TNS1: variants seen among roughly 807,000 people sequenced by gnomAD.
TNS1 encodes tensin-1.
Under a neutral mutation model 168.6 loss-of-function variants are expected in TNS1, and 62 were observed. The observed-to-expected ratio is 0.37, with a 90% CI of 0.30 to 0.45. The LOEUF is 0.45. Ranked by LOEUF, TNS1 falls within the 20% of genes least tolerant of loss-of-function variation. The pLI, the probability that TNS1 is intolerant of heterozygous loss-of-function variation, is 1.00. For synonymous variants in TNS1, 934 were observed against 933.2 expected, an observed-to-expected ratio of 1.00 and a Z score of -0.02; for missense variants, 2,240 against 2,339.4, an observed-to-expected ratio of 0.96 and a Z score of 0.88.
At chr2:217,962,896 C>T (rs918774656) in intron 3 of TNS1, among the ~76,000 whole-genome samples, 2 of 152,146 alleles carry the variant, frequency 1.3e-5, no homozygotes, top group African/African-American at 4.8e-5. Flanking sequence ...TGGCCAAATT[C>T]TACTACAATC....
intron 1 of TNS1, among the ~76,000 whole-genome samples, chr2:218,027,556 C>T (rs868361186): frequency 2.6e-4 from 39 of 152,138 alleles, no homozygotes; most frequent in African/African-American, 8.9e-4. Flanking sequence ...CTGTCCCAAG[C>T]AGAACAGGTC....
chr2:217,915,055 T>C (rs774861819), intron 4 of TNS1, among the ~76,000 whole-genome samples: 1 of 152,140 alleles, frequency 6.6e-6, no homozygotes, highest in African/African-American at 2.4e-5. Context: ...ATGCTCAGAG[T>C]TTGCCCCTCC....
chr2:217,848,829 C>G lies in TNS1; in HGVS notation c.1688G>C (p.Arg563Pro), dbSNP rs201977904. 6 of 1,614,062 alleles carry G rather than the reference C, an allele frequency of 3.7e-6. No homozygotes were observed. Among genetic ancestry groups the G allele is most frequent in the Non-Finnish European group, 5.1e-6 (6 of 1,180,018 alleles). Residue 563 changes from arginine to proline, a missense_variant, in exon 19 of 33, where the codon CGG (arginine) becomes CCG (proline). Arg to Pro is a moderately radical substitution (Grantham distance 103). This residue lies in a region of TNS1 where 2,131 missense variants were observed against 2,171.2 expected (regional missense o/e 0.98). Coordinates refer to ENST00000682258, the MANE Select transcript of TNS1 (RefSeq NM_001387777.1). ...GCCACTCAGCAGGCGGTCCAGCTCC[C>G]GCTTCTCCTGGGGACTCAAGGCAGC... is the stretch of plus-strand genomic sequence containing the variant. ...ATAALSPQEK[R>P]ELDRLLSGFG...
In TNS1 at chr2:217,830,496, C is replaced by A. The variant is rs560236119; in HGVS notation, c.3373+959G>T. Reference sequence around the variant, plus strand: ...AGTGGCCCCACATGGCCACCAAGGGCCCAGGGAGCCCTGTCTCCCTCCACC... The same window carrying A: ...AGTGGCCCCACATGGCCACCAAGGGACCAGGGAGCCCTGTCTCCCTCCACC... On this transcript the variant is annotated intron_variant, in intron 22 of 32. Transcript: ENST00000682258. 87 of 1,322,158 alleles carry A rather than the reference C, an allele frequency of 6.6e-5. 1 individual carries two copies. The African/African-American group carries it at 1.0e-3, about 15-fold the overall frequency. 81.9% of individuals were successfully genotyped at this position (1,322,158 alleles called of 1,614,324 possible). A position where few individuals can be genotyped will look rare whatever the true frequency, so the allele number is the denominator to read the frequency against.
intron 4 of TNS1, among the ~76,000 whole-genome samples, chr2:217,917,856 G>T (rs1175253567): frequency 8.5e-6 from 1 of 118,204 alleles, no homozygotes; most frequent in Admixed American, 8.6e-5. Flanking sequence ...AAAGACTTGC[G>T]ACTGGGGGAA....
chr2:217,980,802 G>C (rs1351069522), intron 2 of TNS1, among the ~76,000 whole-genome samples: 1 of 152,082 alleles, frequency 6.6e-6, no homozygotes, highest in Non-Finnish European at 1.5e-5. Flanking sequence ...TGCTCTGCCA[G>C]TTCCCAGAGT....
intron 1 of TNS1, among the ~76,000 whole-genome samples, chr2:218,024,858 G>A (rs974624956): frequency 1.3e-5 from 2 of 152,202 alleles, no homozygotes; most frequent in African/African-American, 4.8e-5. Flanking sequence ...ATCCTAAGCA[G>A]AAAGGAGAAA....
At chr2:218,015,333 AGAGAGAAGG>A (rs1444799275), upstream of TNS1, among the ~76,000 whole-genome samples, 1 of 152,098 alleles carries the variant, frequency 6.6e-6, no homozygotes, top group Non-Finnish European at 1.5e-5. Context: ...CCAGAAAAGC[AGAGAGAAGG>A]GAGAGGAGGG....
intron 19 of TNS1, among the ~76,000 whole-genome samples, chr2:217,846,926 AG>A (rs754527314): frequency 2.6e-5 from 4 of 152,234 alleles, no homozygotes; most frequent in Non-Finnish European, 5.9e-5. Context: ...CAGCAGATAG[AG>A]CCTAAGGGCT....
At chr2:217,904,991 C>T (rs185446586) in intron 6 of TNS1, among the ~76,000 whole-genome samples, 20 of 152,338 alleles carry the variant, frequency 1.3e-4, no homozygotes, top group African/African-American at 3.8e-4. Context: ...CATTCAGCAA[C>T]GCCAAGCCTC....
intron 2 of TNS1, among the ~76,000 whole-genome samples, chr2:217,982,280 C>G (rs1048869885): frequency 1.3e-5 from 2 of 152,162 alleles, no homozygotes; most frequent in African/African-American, 4.8e-5. Context: ...CCAGTGACAT[C>G]TTCACTGCAC....
intron 4 of TNS1, among the ~76,000 whole-genome samples, chr2:217,918,584 T>C (rs1335509003): frequency 1.3e-5 from 2 of 152,212 alleles, no homozygotes; most frequent in African/African-American, 4.8e-5. Flanking sequence ...CTGACCGCTC[T>C]TCATGTAAAC....
chr2:217,910,997 G>T (rs1171949513), intron 4 of TNS1, among the ~76,000 whole-genome samples: 1 of 152,096 alleles, frequency 6.6e-6, no homozygotes, highest in African/African-American at 2.4e-5. Flanking sequence ...CTGCTGGCAG[G>T]GTGAGCTGGT....
At position 217,932,711 on chromosome 2, in the gene TNS1, T is replaced by C. The variant is rs752336053; in HGVS notation, c.187-12475A>G. On this transcript the variant is annotated intron_variant, in intron 3 of 32. Coordinates refer to ENST00000682258, the MANE Select transcript of TNS1 (RefSeq NM_001387777.1). ...AGCTGATTTTTAAGATCCCATCTATTGTCAAAGTCAAAGAAAGCATGGGAC... is the reference window on the plus strand; with the variant it reads ...AGCTGATTTTTAAGATCCCATCTATCGTCAAAGTCAAAGAAAGCATGGGAC... 4.6e-5 allele frequency among the ~76,000 whole-genome samples: 7 copies of C among 152,284 alleles called. No homozygotes were observed. The South Asian group carries it at 8.3e-4, about 18-fold the overall frequency.
intron 3 of TNS1, among the ~76,000 whole-genome samples, chr2:217,937,452 T>G (rs1956677671): frequency 6.6e-6 from 1 of 151,946 alleles, no homozygotes; most frequent in Non-Finnish European, 1.5e-5. Context: ...TGTCCCTGGG[T>G]GGAGGCTTCT....
At chr2:217,899,409 T>C (rs967459524) in intron 7 of TNS1, among the ~76,000 whole-genome samples, 1 of 152,112 alleles carries the variant, frequency 6.6e-6, no homozygotes, top group African/African-American at 2.4e-5. Context: ...TGGTGACCAG[T>C]CTGGGACAAG....
chr2:217,901,739 G>C (rs1953007260), intron 6 of TNS1: 1 of 152,246 alleles, frequency 6.6e-6, no homozygotes, highest in Admixed American at 6.5e-5. Flanking sequence ...TGACGGCCAG[G>C]CAGGATTCAC....
intron 1 of TNS1, chr2:218,010,060 G>GT (rs1958692032): frequency 2.5e-6 from 1 of 395,352 alleles, no homozygotes. Context: ...AGGGGGCGGG[G>GT]GGGGGTCGGA....
In TNS1 at chr2:217,900,511, C is replaced by A; in HGVS notation, c.323G>T (p.Gly108Val). The part of the protein sequence containing the change: ...GNTRKSLEDN[G>V]STRVTPSVQP... ...GACACTCGGGGTGACCCTGGTGGAG[C>A]CCTGGGAAGGAGAGAAGAGAAGCAG... Residue 108 changes from glycine (G) to valine (V), a missense_variant and splice_region_variant, in exon 7 of 33, where the codon GGC (glycine) becomes GTC (valine). Transcript: ENST00000682258. 1 of 1,535,610 alleles carries A rather than the reference C, an allele frequency of 6.5e-7. No individual in the cohort carries two copies. The highest frequency in any genetic ancestry group is 8.7e-7 in the Non-Finnish European group (1 of 1,146,694).
Sources: gnomAD v4.1 joint callset for allele counts (sites outside exome capture counted in the v4.1 genomes callset) on GRCh38, gnomAD v4.1.1 for gene constraint, gnomAD v4.1.1 regional missense constraint, MANE v1.5 for transcripts, NCBI Gene and HGNC (gene_info 2026-07-23, HGNC 2026-07-21) for gene names.